BPI: variants seen among roughly 807,000 people sequenced by gnomAD.
BPI encodes bactericidal permeability-increasing protein.
A neutral mutation model predicts 57.6 loss-of-function variants in BPI; 48 were observed. That is an observed-to-expected ratio of 0.83 (90% CI 0.66 to 1.06). The LOEUF (loss-of-function observed/expected upper bound fraction) is 1.06, where lower values mean the gene tolerates loss of function less well. Among genes scored for constraint, BPI ranks in the 50% least tolerant of loss-of-function variants. BPI has a pLI of 0.00. For synonymous variants in BPI, 237 were observed against 238.2 expected, an observed-to-expected ratio of 0.99 and a Z score of 0.05; for missense variants, 651 against 609.7, an observed-to-expected ratio of 1.07 and a Z score of -0.71.
Position 38,337,226 on chromosome 20 carries a change from T to C in BPI, c.*42T>C, listed in dbSNP as rs767514618. On this transcript the variant is annotated 3_prime_UTR_variant, in exon 15 of 15. Transcript: ENST00000642449. ...GGGGGCTGTCAGCCACACCTGTTCC[T>C]GATGGGCTGTGGGGCACCGGCTGCC... is the stretch of plus-strand genomic sequence containing the variant. 6.5e-7 allele frequency: 1 copy of C among 1,536,842 alleles called. No individual in the cohort carries two copies. The highest frequency in any genetic ancestry group is 8.8e-7 in the Non-Finnish European group (1 of 1,135,818).
intron 6 of BPI, among the ~76,000 whole-genome samples, chr20:38,318,689 A>G (rs5741803): frequency 0.63 from 95,678 of 151,804 alleles, 31,223 homozygotes; most frequent in African/African-American, 0.81. Flanking sequence ...AGCCCATACT[A>G]CCTCATTCCC....
intron 1 of BPI, among the ~76,000 whole-genome samples, chr20:38,306,761 A>T (rs1934917): frequency 0.98 from 150,001 of 152,318 alleles, 74,068 homozygotes; most frequent in African/African-American, 1. Context: ...ATCCAACAAA[A>T]ACTAGCAGGA....
chr20:38,305,567 A>AT (rs200137803), intron 1 of BPI, among the ~76,000 whole-genome samples: 466 of 150,720 alleles, frequency 3.1e-3, no homozygotes, highest in Non-Finnish European at 5.3e-3. Flanking sequence ...GCCACTGCAC[A>AT]TTTTTTTTTC....
intron 6 of BPI, 104 bp from the exon 7 acceptor site, chr20:38,320,079 C>A: frequency 1.0e-6 from 1 of 968,380 alleles, no homozygotes; most frequent in Non-Finnish European, 1.6e-6. Flanking sequence ...ATGAAACTTG[C>A]ACTGCAGCTC....
At chr20:38,324,880 A>G in intron 9 of BPI, 47 bp downstream of exon 9, 1 of 1,492,330 alleles carries the variant, frequency 6.7e-7, no homozygotes, top group South Asian at 1.1e-5. Flanking sequence ...GGGTTCTGGG[A>G]GGACAGGGCT....
At chr20:38,324,712 C>T (rs972806798) in intron 8 of BPI, 62 bp from the exon 9 acceptor site, 11 of 1,379,334 alleles carry the variant, frequency 8.0e-6, no homozygotes, top group Non-Finnish European at 1.1e-5. Flanking sequence ...ATACAGAACT[C>T]ACCCCCTCTG....
chr20:38,318,285 A>G (rs1185190166), intron 5 of BPI, 128 bp from the exon 6 acceptor site: 2 of 1,206,694 alleles, frequency 1.7e-6, no homozygotes, highest in Middle Eastern at 1.9e-4. Flanking sequence ...AAGAAAAGGG[A>G]AACTTGATTG....
In BPI at chr20:38,323,887, GAAC is replaced by G; in HGVS notation, c.775_777del (p.Asn259del). ...ACCCCCAGGGGGAGTTTTACAGTGA[GAAC>G]CACCACAATCCACCTCCCTTTGCTC... On this transcript the variant is annotated inframe_deletion, in exon 8 of 15. Transcript: ENST00000642449. 6.2e-7 allele frequency: 1 copy of G among 1,614,114 alleles called. No homozygotes were observed. Among genetic ancestry groups the G allele is most frequent in the Non-Finnish European group, 8.5e-7 (1 of 1,180,000 alleles).
At position 38,305,194 on chromosome 20, in the gene BPI, C is replaced by T. The variant is rs187212909; in HGVS notation, c.130+841C>T. Among the ~76,000 whole-genome samples the T allele has an allele frequency of 1.3e-3, 200 of 152,268 alleles. 2 individuals carry two copies. Among genetic ancestry groups the T allele is most frequent in the African/African-American group, 4.6e-3 (191 of 41,566 alleles). ...GGACTCAGGGGACCTGGTATCCCAC[C>T]CCTGAATTCCCACCCCAGCCCAGCA... On this transcript the variant is annotated intron_variant, in intron 1 of 14. Transcript: ENST00000642449.
chr20:38,323,096 T>C (rs1220852192), intron 7 of BPI, among the ~76,000 whole-genome samples: 1 of 152,204 alleles, frequency 6.6e-6, no homozygotes, highest in Non-Finnish European at 1.5e-5. Context: ...TAAAAAACTG[T>C]AGAAATAACT....
chr20:38,335,327 T>C, intron 13 of BPI: 1 of 518,570 alleles, frequency 1.9e-6, no homozygotes, highest in South Asian at 2.2e-5. Flanking sequence ...TTTGGTTTAG[T>C]GTATACCAGC....
chr20:38,326,434 T>C lies in BPI; in HGVS notation c.1161+2T>C, dbSNP rs529855689. On this transcript the variant is annotated splice_donor_variant, in intron 10 of 14. Coordinates refer to ENST00000642449, the MANE Select transcript of BPI (RefSeq NM_001725.3). LOFTEE classifies it high-confidence loss of function. ...GCTTCCCTCTTCCTGATTGGCATGGTAAGCAGTTCCTGGGTTGGACAGATG... is the reference window on the plus strand; with the variant it reads ...GCTTCCCTCTTCCTGATTGGCATGGCAAGCAGTTCCTGGGTTGGACAGATG... 8.7e-6 allele frequency: 14 copies of C among 1,612,360 alleles called. No homozygotes were observed. The African/African-American group carries it at 1.6e-4, about 18-fold the overall frequency.
At chr20:38,325,459 CA>C (rs1452376657) in intron 9 of BPI, among the ~76,000 whole-genome samples, 1 of 152,206 alleles carries the variant, frequency 6.6e-6, no homozygotes, top group African/African-American at 2.4e-5. Flanking sequence ...CTTGTGTCCT[CA>C]CAGGGCCTTT....
intron 2 of BPI, 112 bp from the exon 3 acceptor site, chr20:38,308,818 G>A (rs746309449): frequency 2.9e-4 from 405 of 1,389,230 alleles, no homozygotes; most frequent in Admixed American, 4.4e-4. Context: ...GGAATGGATG[G>A]AGTGAAGGAC....
intron 12 of BPI, among the ~76,000 whole-genome samples, chr20:38,333,748 T>A (rs557612881): frequency 6.8e-6 from 1 of 148,002 alleles, no homozygotes; most frequent in South Asian, 2.2e-4. Context: ...TCCCCTATTG[T>A]TGGACATGGA....
At chr20:38,306,364 G>A (rs1600696614) in intron 1 of BPI, among the ~76,000 whole-genome samples, 1 of 152,344 alleles carries the variant, frequency 6.6e-6, no homozygotes, top group South Asian at 2.1e-4. Flanking sequence ...TGCCTTCAAA[G>A]TGTCAGGCAC....
rs567617397 is a variant in BPI at position 38,336,310 on chromosome 20, G to A, written c.1413+636G>A. ...CTTCCCCCGCCATTGGCAAGCCTTC[G>A]TCACTCTTGTCAACCTCTTCAGGCT... On this transcript the variant is annotated intron_variant, in intron 14 of 14. Coordinates refer to ENST00000642449, the MANE Select transcript of BPI (RefSeq NM_001725.3). Among the ~76,000 whole-genome samples the A allele has an allele frequency of 8.5e-5, 13 of 152,108 alleles. No individual in the cohort carries two copies. In the East Asian group the frequency reaches 1.4e-3, roughly 16 times the overall value.
In BPI at chr20:38,304,216, G is replaced by C. The variant is rs745664971; in HGVS notation, c.-8G>C. Reference sequence around the variant, plus strand: ...AGGTTTTGGCAGCTCTGGAGGATGAGAGAGAACATGGCCAGGGGCCCTTGC... The same window carrying C: ...AGGTTTTGGCAGCTCTGGAGGATGACAGAGAACATGGCCAGGGGCCCTTGC... On this transcript the variant is annotated 5_prime_UTR_variant, in exon 1 of 15. Transcript: ENST00000642449. 4.3e-6 allele frequency: 7 copies of C among 1,613,932 alleles called. No individual in the cohort carries two copies. In the South Asian group the frequency reaches 7.7e-5, roughly 18 times the overall value.
intron 3 of BPI, among the ~76,000 whole-genome samples, chr20:38,309,744 A>C (rs958086249): frequency 2.0e-5 from 3 of 152,110 alleles, no homozygotes; most frequent in Admixed American, 6.5e-5. Context: ...TACAACTCCA[A>C]ATCTAAGTCC....
Sources: allele counts gnomAD v4.1 joint callset (sites outside exome capture counted in the v4.1 genomes callset), GRCh38; gene constraint gnomAD v4.1.1; transcripts MANE v1.5; gene names NCBI Gene and HGNC (gene_info 2026-07-23, HGNC 2026-07-21).